Variants in METTL15 observed in about 807,000 individuals in gnomAD.
The protein encoded by METTL15 is methyltransferase 15, mitochondrial 12S rRNA N4-cytidine.
METTL15 carries 34 observed loss-of-function variants against 38.3 expected under a neutral mutation model. That is an observed-to-expected ratio of 0.89 (90% confidence interval 0.68 to 1.18). METTL15 has a LOEUF of 1.18. METTL15 is among the 50% of genes most tolerant of loss of function. The pLI is 0.00. For synonymous variants in METTL15, 162 were observed against 170.9 expected, an observed-to-expected ratio of 0.95 and a Z score of 0.41; for missense variants, 438 against 498.4, an observed-to-expected ratio of 0.88 and a Z score of 1.15.
intron 4 of METTL15, among the ~76,000 whole-genome samples, chr11:28,223,353 T>G (rs1323245019): frequency 6.6e-6 from 1 of 152,132 alleles, no homozygotes; most frequent in Non-Finnish European, 1.5e-5. Flanking sequence ...ACATATGTAG[T>G]AATAAAATGA....
intron 6 of METTL15, among the ~76,000 whole-genome samples, chr11:28,308,880 ATAGG>A (rs775350476): frequency 7.7e-4 from 92 of 119,618 alleles, no homozygotes; most frequent in Middle Eastern, 4.6e-3. Context: ...GATTAGATAG[ATAGG>A]TAGGTAGGTA....
intron 3 of METTL15, among the ~76,000 whole-genome samples, chr11:28,344,045 A>C (rs1015566857): frequency 2.8e-4 from 42 of 152,320 alleles, no homozygotes; most frequent in African/African-American, 9.6e-4. Flanking sequence ...CAATAGCTTA[A>C]TTTCCTGGGA....
chr11:28,303,158 A>G (rs1856968788), intron 6 of METTL15, among the ~76,000 whole-genome samples: 1 of 152,166 alleles, frequency 6.6e-6, no homozygotes, highest in South Asian at 2.1e-4. Context: ...TTCTCCGGTT[A>G]CATCAAGGAA....
At chr11:28,253,034 G>T (rs1404809396) in intron 4 of METTL15, among the ~76,000 whole-genome samples, 1 of 152,016 alleles carries the variant, frequency 6.6e-6, no homozygotes, top group Non-Finnish European at 1.5e-5. Context: ...CTCCAGCCTT[G>T]GTCCTTGGCC....
intron 6 of METTL15, among the ~76,000 whole-genome samples, chr11:28,439,817 AGGAGATGC>A (rs1433506414): frequency 4.6e-5 from 7 of 152,188 alleles, no homozygotes; most frequent in Admixed American, 4.6e-4. Context: ...TCTCAATTGG[AGGAGATGC>A]CTTGGGTCTG....
At chr11:28,115,279 A>G (rs574266099) in intron 3 of METTL15, among the ~76,000 whole-genome samples, 1 of 146,454 alleles carries the variant, frequency 6.8e-6, no homozygotes, top group South Asian at 2.1e-4. Context: ...TTTTTTTGAG[A>G]TGGAGTTTTG....
intron 5 of METTL15, among the ~76,000 whole-genome samples, chr11:28,394,043 T>C (rs950523489): frequency 6.6e-6 from 1 of 152,146 alleles, no homozygotes; most frequent in Non-Finnish European, 1.5e-5. Context: ...TACCTTTTTA[T>C]GTGTCTGACT....
chr11:28,335,729 T>A (rs1411710197), downstream of METTL15, among the ~76,000 whole-genome samples: 1 of 152,184 alleles, frequency 6.6e-6, no homozygotes, highest in Non-Finnish European at 1.5e-5. Flanking sequence ...CTCTTCTCTC[T>A]TGCTCCCTCT....
intron 4 of METTL15, among the ~76,000 whole-genome samples, chr11:28,240,431 C>A (rs1253291743): frequency 6.6e-6 from 1 of 152,146 alleles, no homozygotes; most frequent in Non-Finnish European, 1.5e-5. Context: ...AACAAAATTT[C>A]ATCAAAACTT....
At chr11:28,279,092 G>A (rs1013214876) in intron 4 of METTL15, among the ~76,000 whole-genome samples, 7 of 152,180 alleles carry the variant, frequency 4.6e-5, no homozygotes, top group Non-Finnish European at 8.8e-5. Context: ...CTCCCAAAGT[G>A]CTGGCATTGC....
At chr11:28,373,723 G>A (rs1564910275) in intron 5 of METTL15, among the ~76,000 whole-genome samples, 1 of 152,158 alleles carries the variant, frequency 6.6e-6, no homozygotes, top group Non-Finnish European at 1.5e-5. Context: ...TGGTGTTTTA[G>A]ACATGAAGTC....
chr11:28,194,122 A>ATCTTTCTTTTTCTTTCTTTCTTTCTT (rs1851801396), intron 3 of METTL15, among the ~76,000 whole-genome samples: 1 of 99,078 alleles, frequency 1.0e-5, no homozygotes, highest in Non-Finnish European at 2.0e-5. Context: ...TTGATGGTTG[A>ATCTTTCTTTTTCTTTCTTTCTTTCTT]TCTTTCTTTC....
intron 3 of METTL15, among the ~76,000 whole-genome samples, chr11:28,339,768 G>A (rs1849933812): frequency 6.6e-6 from 1 of 151,926 alleles, no homozygotes; most frequent in African/African-American, 2.4e-5. Flanking sequence ...GCAAATCAAA[G>A]TTGAAGAAAA....
intron 4 of METTL15, among the ~76,000 whole-genome samples, chr11:28,219,923 A>G (rs1590177654): frequency 6.6e-6 from 1 of 152,198 alleles, no homozygotes; most frequent in East Asian, 1.9e-4. Flanking sequence ...ATGGTCTGAG[A>G]GACAGTTCGT....
chr11:28,174,383 C>T (rs964526481), intron 3 of METTL15, among the ~76,000 whole-genome samples: 20 of 152,016 alleles, frequency 1.3e-4, no homozygotes, highest in East Asian at 5.8e-4. Flanking sequence ...TATCTAATAC[C>T]GCATTGTTTT....
At position 28,220,390 on chromosome 11, in the gene METTL15, C is replaced by CT. The variant is rs1452931848; in HGVS notation, c.407+9199dup. On this transcript the variant is annotated intron_variant, in intron 4 of 6. Coordinates refer to ENST00000407364, the MANE Select transcript of METTL15 (RefSeq NM_001113528.2). ...CAGAGACTTGGATTGCAACTCCTGC[C>CT]TTTTTTTGTTTTCCATTTGCTTGGT... 3.9e-5 allele frequency among the ~76,000 whole-genome samples: 6 copies of CT among 152,108 alleles called. No individual in the cohort carries two copies. The East Asian group carries it at 1.2e-3, about 29-fold the overall frequency.
At chr11:28,511,648 G>C (rs1590399575) in intron 6 of METTL15, among the ~76,000 whole-genome samples, 1 of 152,236 alleles carries the variant, frequency 6.6e-6, no homozygotes, top group East Asian at 1.9e-4. Context: ...AGCGCCTCTG[G>C]AGTTGTTCGT....
intron 5 of METTL15, among the ~76,000 whole-genome samples, chr11:28,386,410 G>C (rs367861612): frequency 6.6e-6 from 1 of 151,798 alleles, no homozygotes; most frequent in African/African-American, 2.4e-5. Flanking sequence ...GTAATTAAAA[G>C]AGAACAGGGT....
intron 4 of METTL15, among the ~76,000 whole-genome samples, chr11:28,215,350 T>TATTA (rs1478284142): frequency 1.3e-5 from 2 of 152,066 alleles, no homozygotes; most frequent in Non-Finnish European, 2.9e-5. Flanking sequence ...GTTAGAGTAA[T>TATTA]ATTTTAGGCT....
Sources: allele counts gnomAD v4.1 joint callset (sites outside exome capture counted in the v4.1 genomes callset), GRCh38; gene constraint gnomAD v4.1.1; transcripts MANE v1.5; gene names NCBI Gene and HGNC (gene_info 2026-07-23, HGNC 2026-07-21).